Variants in ENTREP2 observed in about 807,000 individuals in gnomAD.
ENTREP2 encodes protein ENTREP2.
chr15:29,566,846 T>TACACACACACACACACACACAC, the ENTREP2 span, among the ~76,000 whole-genome samples: 622 of 146,132 alleles, frequency 4.3e-3, 6 homozygotes, highest in African/African-American at 0.013. Context: ...AAAGGAAAAA[T>TACACACACACACACACACACAC]ACACACACAC....
the ENTREP2 span, among the ~76,000 whole-genome samples, chr15:29,228,668 C>T: frequency 6.6e-6 from 1 of 152,034 alleles, no homozygotes; most frequent in Admixed American, 6.6e-5. Context: ...GAATAATATA[C>T]TGTTTAATTA....
the ENTREP2 span, among the ~76,000 whole-genome samples, chr15:29,229,131 A>G: frequency 3.9e-5 from 6 of 152,200 alleles, no homozygotes; most frequent in Non-Finnish European, 8.8e-5. Context: ...AAACTGAACT[A>G]TCAATTTTTA....
the ENTREP2 span, chr15:29,137,066 C>G: frequency 6.9e-7 from 1 of 1,456,206 alleles, no homozygotes; most frequent in Non-Finnish European, 9.0e-7. Context: ...TGCAGGTGTA[C>G]TCTGGGGGGT....
At chr15:29,671,857 G>A in the ENTREP2 span, among the ~76,000 whole-genome samples, 1 of 152,204 alleles carries the variant, frequency 6.6e-6, no homozygotes, top group Non-Finnish European at 1.5e-5. Context: ...GGCAGCACAT[G>A]CCACAGTGTC....
At chr15:29,441,506 G>A in the ENTREP2 span, among the ~76,000 whole-genome samples, 9 of 152,142 alleles carry the variant, frequency 5.9e-5, no homozygotes, top group African/African-American at 1.4e-4. Flanking sequence ...CATTAAGCCC[G>A]CTGCTCCCCA....
At chr15:29,414,143 G>T in the ENTREP2 span, among the ~76,000 whole-genome samples, 1 of 152,150 alleles carries the variant, frequency 6.6e-6, no homozygotes, top group South Asian at 2.1e-4. Flanking sequence ...TCTGCACCAA[G>T]CGGACCTAAT....
chr15:29,594,732 G>A, the ENTREP2 span, among the ~76,000 whole-genome samples: 1 of 152,082 alleles, frequency 6.6e-6, no homozygotes, highest in Non-Finnish European at 1.5e-5. Context: ...GGAGGCCAAG[G>A]TGGGCAAATC....
At chr15:29,665,559 C>G in the ENTREP2 span, among the ~76,000 whole-genome samples, 2 of 152,184 alleles carry the variant, frequency 1.3e-5, no homozygotes, top group African/African-American at 4.8e-5. Context: ...CTGGGTTGTG[C>G]TCTGAAATGT....
chr15:29,630,769 C>T, the ENTREP2 span, among the ~76,000 whole-genome samples: 495 of 152,300 alleles, frequency 3.3e-3, 3 homozygotes, highest in African/African-American at 0.011. Context: ...CTCACTGCTA[C>T]CTCCACCTCC....
the ENTREP2 span, among the ~76,000 whole-genome samples, chr15:29,356,389 C>T: frequency 7.2e-6 from 1 of 139,816 alleles, no homozygotes; most frequent in Non-Finnish European, 1.5e-5. Flanking sequence ...TCACTGCAGG[C>T]TCTGCCTCCT....
chr15:29,252,153 G>A, the ENTREP2 span, among the ~76,000 whole-genome samples: 1 of 152,102 alleles, frequency 6.6e-6, no homozygotes, highest in East Asian at 1.9e-4. Flanking sequence ...AGAAGAAAAA[G>A]TTTTAATTGT....
the ENTREP2 span, among the ~76,000 whole-genome samples, chr15:29,342,253 C>A: frequency 1.3e-5 from 2 of 152,146 alleles, no homozygotes; most frequent in African/African-American, 2.4e-5. Flanking sequence ...TGTGTATGGG[C>A]AGGGAGGTGA....
At chr15:29,507,095 G>A in the ENTREP2 span, among the ~76,000 whole-genome samples, 2 of 151,964 alleles carry the variant, frequency 1.3e-5, no homozygotes, top group South Asian at 2.1e-4. Flanking sequence ...AAAAAAAGCA[G>A]GGGTTGCAAT....
chr15:29,536,339 AG>A, the ENTREP2 span, among the ~76,000 whole-genome samples: 1 of 152,226 alleles, frequency 6.6e-6, no homozygotes, highest in African/African-American at 2.4e-5. Context: ...TCTTACCAGC[AG>A]AGCAGAAAGA....
At chr15:29,242,055 A>C in the ENTREP2 span, among the ~76,000 whole-genome samples, 5 of 152,024 alleles carry the variant, frequency 3.3e-5, no homozygotes, top group African/African-American at 1.2e-4. Context: ...GTCTCTAAAA[A>C]ATTGTTTTAT....
At chr15:29,432,532 G>A in the ENTREP2 span, among the ~76,000 whole-genome samples, 1 of 152,192 alleles carries the variant, frequency 6.6e-6, no homozygotes, top group African/African-American at 2.4e-5. Flanking sequence ...TGGCTGGTTA[G>A]TGCTGTTCCC....
the ENTREP2 span, among the ~76,000 whole-genome samples, chr15:29,311,240 C>T: frequency 6.6e-6 from 1 of 152,132 alleles, no homozygotes; most frequent in Non-Finnish European, 1.5e-5. Flanking sequence ...TGTCTTGTAT[C>T]ATTATATGAT....
the ENTREP2 span, among the ~76,000 whole-genome samples, chr15:29,467,918 T>C: frequency 6.6e-6 from 1 of 152,106 alleles, no homozygotes; most frequent in Non-Finnish European, 1.5e-5. Flanking sequence ...CCAGCAATCA[T>C]GGCTAGCTCC....
chr15:29,123,144 G>A, the ENTREP2 span: 10 of 571,228 alleles, frequency 1.8e-5, no homozygotes, highest in Non-Finnish European at 2.7e-5. Context: ...TCCCCAAAGA[G>A]ACACTGCTCG....
Sources: allele counts gnomAD v4.1 joint callset (sites outside exome capture counted in the v4.1 genomes callset), GRCh38; gene constraint gnomAD v4.1.1; transcripts MANE v1.5; gene names NCBI Gene and HGNC (gene_info 2026-07-23, HGNC 2026-07-21).